Variants in SYN3 observed in about 807,000 individuals in gnomAD.
SYN3 encodes the protein synapsin-3.
Under a neutral mutation model 65.8 loss-of-function variants are expected in SYN3, and 35 were observed. That is an observed-to-expected ratio of 0.53 (90% CI 0.41 to 0.70). The LOEUF (loss-of-function observed/expected upper bound fraction) is 0.70. Among genes scored for constraint, SYN3 ranks in the 30% least tolerant of loss-of-function variants. The pLI, the probability that SYN3 is intolerant of heterozygous loss-of-function variation, is 0.00. For synonymous variants in SYN3, 270 were observed against 292.9 expected (o/e 0.92, Z 0.80); for missense variants, 680 against 749.0 (o/e 0.91, Z 1.08).
At chr22:32,690,550 C>T (rs2060648752) in intron 6 of SYN3, among the ~76,000 whole-genome samples, 1 of 152,274 alleles carries the variant, frequency 6.6e-6, no homozygotes, top group African/African-American at 2.4e-5. Flanking sequence ...GCAGCAGTTT[C>T]ATCCCCTTTC....
At chr22:32,548,965 C>A (rs1601611622) in intron 7 of SYN3, among the ~76,000 whole-genome samples, 1 of 151,996 alleles carries the variant, frequency 6.6e-6, no homozygotes, top group South Asian at 2.1e-4. Flanking sequence ...TTAGATGAGA[C>A]CCTGAAGACA....
chr22:32,734,748 C>G (rs1375804680), intron 6 of SYN3, among the ~76,000 whole-genome samples: 1 of 152,126 alleles, frequency 6.6e-6, no homozygotes, highest in Non-Finnish European at 1.5e-5. Flanking sequence ...AGGACATTCC[C>G]CCTAGGTCTT....
intron 6 of SYN3, among the ~76,000 whole-genome samples, chr22:32,835,008 T>G (rs939113861): frequency 6.6e-6 from 1 of 152,210 alleles, no homozygotes; most frequent in South Asian, 2.1e-4. Context: ...GACCTGTCAG[T>G]CTTGGTCTGA....
intron 2 of SYN3, among the ~76,000 whole-genome samples, chr22:32,985,192 A>G (rs868203697): frequency 2.6e-5 from 4 of 152,236 alleles, no homozygotes; most frequent in Admixed American, 2.0e-4. Flanking sequence ...AACAAGGCAT[A>G]CAAAGCACTG....
intron 1 of SYN3, among the ~76,000 whole-genome samples, chr22:33,013,387 G>A (rs1411900552): frequency 6.6e-6 from 1 of 152,184 alleles, no homozygotes. Context: ...CTTTTGCAGA[G>A]AGGATGGTTA....
chr22:32,896,940 G>A (rs2049608673), intron 4 of SYN3, among the ~76,000 whole-genome samples: 1 of 152,188 alleles, frequency 6.6e-6, no homozygotes, highest in South Asian at 2.1e-4. Flanking sequence ...ATTCCCCAGT[G>A]ATGTTTGGTA....
chr22:32,708,603 C>A (rs916556844), intron 6 of SYN3, among the ~76,000 whole-genome samples: 2 of 152,164 alleles, frequency 1.3e-5, no homozygotes, highest in Non-Finnish European at 2.9e-5. Flanking sequence ...GGGGACCCTA[C>A]CCGGTGGTTT....
At chr22:32,942,555 G>A (rs2050973011) in intron 3 of SYN3, among the ~76,000 whole-genome samples, 2 of 152,198 alleles carry the variant, frequency 1.3e-5, no homozygotes, top group South Asian at 4.1e-4. Context: ...TCCTCCAAAG[G>A]AACGCAGCTT....
At chr22:32,767,368 A>C (rs1033776593) in intron 6 of SYN3, among the ~76,000 whole-genome samples, 3 of 142,154 alleles carry the variant, frequency 2.1e-5, no homozygotes, top group Non-Finnish European at 4.5e-5. Context: ...TGCTCCTTCA[A>C]ATGATTGCTG....
At chr22:32,980,187 G>C in intron 3 of SYN3, among the ~76,000 whole-genome samples, 1 of 152,184 alleles carries the variant, frequency 6.6e-6, no homozygotes, top group East Asian at 1.9e-4. Context: ...ATGATATAAG[G>C]AAATCAAGGC....
chr22:32,844,979 T>C (rs1958760232), intron 6 of SYN3, among the ~76,000 whole-genome samples: 1 of 152,228 alleles, frequency 6.6e-6, no homozygotes, highest in Admixed American at 6.5e-5. Flanking sequence ...TCCTCCTGCC[T>C]TGGCCTCCCA....
intron 6 of SYN3, among the ~76,000 whole-genome samples, chr22:32,613,179 C>CT (rs905043851): frequency 6.6e-5 from 10 of 150,798 alleles, no homozygotes; most frequent in South Asian, 2.1e-4. Context: ...ATTAAGCCTC[C>CT]TTTTTTTTTA....
intron 6 of SYN3, among the ~76,000 whole-genome samples, chr22:32,721,231 T>C (rs1030880019): frequency 6.6e-6 from 1 of 152,094 alleles, no homozygotes; most frequent in Non-Finnish European, 1.5e-5. Context: ...CAGCTGCTGC[T>C]GCCACCTCCC....
At chr22:32,689,692 G>A (rs1177772629) in intron 6 of SYN3, among the ~76,000 whole-genome samples, 1 of 152,158 alleles carries the variant, frequency 6.6e-6, no homozygotes, top group East Asian at 1.9e-4. Context: ...CTTGTCCAAG[G>A]TCACCAAGAG....
intron 3 of SYN3, among the ~76,000 whole-genome samples, chr22:32,957,587 TTTTGGAGCAAGC>T (rs1223724293): frequency 6.6e-6 from 1 of 152,214 alleles, no homozygotes; most frequent in Admixed American, 6.5e-5. Context: ...TATGTGTTTA[TTTTGGAGCAAGC>T]TTTGGAGCAA....
chr22:32,707,290 C>T (rs1206550905), intron 6 of SYN3, among the ~76,000 whole-genome samples: 2 of 152,126 alleles, frequency 1.3e-5, no homozygotes, highest in Non-Finnish European at 2.9e-5. Context: ...GCACTTGCCA[C>T]ACAAATAATA....
At chr22:33,030,579 AC>A (rs1310795944) in intron 1 of SYN3, among the ~76,000 whole-genome samples, 1 of 151,774 alleles carries the variant, frequency 6.6e-6, no homozygotes, top group Non-Finnish European at 1.5e-5. Flanking sequence ...AGAGATAGAG[AC>A]AGAGAGAGAG....
chr22:32,635,513 G>A (rs1200518946), intron 6 of SYN3, among the ~76,000 whole-genome samples: 1 of 152,158 alleles, frequency 6.6e-6, no homozygotes, highest in Non-Finnish European at 1.5e-5. Flanking sequence ...AAACATTGGG[G>A]CCAGATATTT....
At chr22:32,734,861 C>G (rs576158734) in intron 6 of SYN3, among the ~76,000 whole-genome samples, 1 of 152,292 alleles carries the variant, frequency 6.6e-6, no homozygotes, top group Admixed American at 6.5e-5. Flanking sequence ...TTGACTCTCC[C>G]CAATTCAATG....
Sources: gnomAD v4.1 joint callset for allele counts (sites outside exome capture counted in the v4.1 genomes callset) on GRCh38, gnomAD v4.1.1 for gene constraint, MANE v1.5 for transcripts, NCBI Gene and HGNC (gene_info 2026-07-23, HGNC 2026-07-21) for gene names.